The following DPP4 variants were observed in gnomAD, a reference collection of about 807,000 sequenced individuals.
The protein encoded by DPP4 is dipeptidyl peptidase 4.
A neutral mutation model predicts 122.4 loss-of-function variants in DPP4; 93 were observed. The ratio of observed to expected loss-of-function variants is 0.76; its 90% CI spans 0.64 to 0.90. The LOEUF (loss-of-function observed/expected upper bound fraction) is 0.90. Among genes scored for constraint, DPP4 ranks in the 40% least tolerant of loss-of-function variants. DPP4 has a pLI of 0.00. For missense variants in DPP4, 914 were observed against 907.3 expected (o/e 1.01, Z -0.09); for synonymous variants, 321 against 302.9 (o/e 1.06, Z -0.62).
At chr2:162,017,219 G>T in intron 16 of DPP4, 64 bp from the exon 17 acceptor site, 1 of 1,409,546 alleles carries the variant, frequency 7.1e-7, no homozygotes, top group South Asian at 1.3e-5. Context: ...TAGTATAGAT[G>T]ACTTTTCAAA....
intron 2 of DPP4, 177 bp downstream of exon 2, chr2:162,073,222 G>A (rs35128070): frequency 0.27 from 160,827 of 590,714 alleles, 24,728 homozygotes; most frequent in Non-Finnish European, 0.33. Flanking sequence ...TGAAGACCCC[G>A]CGAAGTGAAT....
intron 10 of DPP4, among the ~76,000 whole-genome samples, chr2:162,031,066 C>T (rs1475240745): frequency 3.3e-5 from 5 of 152,258 alleles, no homozygotes; most frequent in Non-Finnish European, 7.3e-5. Context: ...GCACTGAGCA[C>T]AGTCCCAGCC....
chr2:162,066,953 A>G (rs1450323779), intron 2 of DPP4, among the ~76,000 whole-genome samples: 2 of 51,622 alleles, frequency 3.9e-5, no homozygotes, highest in African/African-American at 8.8e-5. Context: ...CTCACCTCCA[A>G]CACTGGAGAT....
At chr2:162,023,287 C>T (rs1683204529) in intron 11 of DPP4, among the ~76,000 whole-genome samples, 1 of 152,174 alleles carries the variant, frequency 6.6e-6, no homozygotes, top group Non-Finnish European at 1.5e-5. Context: ...TTGCCAGAAT[C>T]TCCTTGTTGG....
At chr2:162,004,892 C>T (rs763126848) in intron 23 of DPP4, among the ~76,000 whole-genome samples, 8 of 152,134 alleles carry the variant, frequency 5.3e-5, no homozygotes, top group Admixed American at 3.3e-4. Context: ...GAATTGTGAA[C>T]AATCTTTGAA....
At chr2:162,032,192 C>T (rs991345311) in intron 10 of DPP4, 4 of 152,176 alleles carry the variant, frequency 2.6e-5, no homozygotes, top group Non-Finnish European at 4.4e-5. Flanking sequence ...CTTGTTCGTT[C>T]AAGCCAGAAA....
intron 20 of DPP4, among the ~76,000 whole-genome samples, chr2:162,010,527 T>G (rs541591396): frequency 4.5e-4 from 68 of 152,322 alleles, no homozygotes; most frequent in African/African-American, 1.4e-3. Context: ...ATAAACGCAC[T>G]ATTTCTCAAT....
intron 2 of DPP4, among the ~76,000 whole-genome samples, chr2:162,052,931 G>A (rs556603925): frequency 2.0e-5 from 3 of 152,306 alleles, no homozygotes; most frequent in Admixed American, 6.5e-5. Context: ...GCACTCGGCT[G>A]AATTGTGTCT....
intron 23 of DPP4, among the ~76,000 whole-genome samples, chr2:161,998,334 C>T (rs1208530492): frequency 6.6e-6 from 1 of 152,168 alleles, no homozygotes; most frequent in African/African-American, 2.4e-5. Context: ...CCATGTGAGT[C>T]CTCTTTGGTG....
At chr2:162,062,093 A>G (rs1353831402) in intron 2 of DPP4, among the ~76,000 whole-genome samples, 1 of 149,214 alleles carries the variant, frequency 6.7e-6, no homozygotes, top group East Asian at 2.0e-4. Flanking sequence ...ACATGGCAAA[A>G]CCCTGTCTCT....
chr2:162,048,086 A>C (rs1007510816), intron 2 of DPP4, among the ~76,000 whole-genome samples: 8 of 152,158 alleles, frequency 5.3e-5, no homozygotes, highest in Non-Finnish European at 1.0e-4. Context: ...TCCTTTTCAG[A>C]GGCTTTGGGG....
rs566932991 is a variant in DPP4, at chr2:162,022,612, G to A, written c.1068+143C>T. On this transcript the variant is annotated intron_variant, in intron 12 of 25. Coordinates refer to ENST00000360534, the MANE Select transcript of DPP4 (RefSeq NM_001935.4). ...TCTCTACAAAAAGATATCTTTATAG[G>A]GAGCATTTACATATTTTGAGAAATA... is the stretch of plus-strand genomic sequence containing the variant. The A allele has an allele frequency of 9.5e-6, 7 of 740,136 alleles. No individual in the cohort carries two copies. In the African/African-American group the frequency reaches 1.1e-4, roughly 11 times the overall value. The allele number at this position is 740,136 out of a possible 1,614,324, so 45.8% of individuals were successfully genotyped here. A position where few individuals can be genotyped will look rare whatever the true frequency, so the allele number is the denominator to read the frequency against.
At chr2:162,039,586 G>T (rs1004284803) in intron 5 of DPP4, among the ~76,000 whole-genome samples, 10 of 152,090 alleles carry the variant, frequency 6.6e-5, no homozygotes, top group Admixed American at 6.6e-4. Flanking sequence ...GTGAAGAAAT[G>T]TTTAACTTCA....
chr2:162,035,019 G>T, intron 9 of DPP4, 145 bp downstream of exon 9: 2 of 675,272 alleles, frequency 3.0e-6, no homozygotes, highest in Non-Finnish European at 4.5e-6. Flanking sequence ...CTTTAAAATT[G>T]CCAGATGCTG....
chr2:162,007,973 TC>T (rs1156506742), intron 22 of DPP4, among the ~76,000 whole-genome samples: 1 of 152,054 alleles, frequency 6.6e-6, no homozygotes, highest in African/African-American at 2.4e-5. Context: ...CACTTCTGAA[TC>T]CCCCCTCCTC....
At chr2:162,068,644 G>T (rs1685023161) in intron 2 of DPP4, among the ~76,000 whole-genome samples, 1 of 152,122 alleles carries the variant, frequency 6.6e-6, no homozygotes, top group Non-Finnish European at 1.5e-5. Flanking sequence ...TCCTCTCTTG[G>T]ATCCTTCATT....
intron 2 of DPP4, among the ~76,000 whole-genome samples, chr2:162,067,339 A>G (rs1260313611): frequency 6.6e-6 from 1 of 152,156 alleles, no homozygotes; most frequent in Non-Finnish European, 1.5e-5. Context: ...CCCCAGTTTT[A>G]AGAAGTCAGG....
chr2:162,019,242 C>G lies in DPP4; in HGVS notation c.1279G>C (p.Gly427Arg). The G allele has an allele frequency of 6.3e-7, 1 of 1,596,214 alleles. No homozygotes were observed. The highest frequency in any genetic ancestry group is 1.3e-5 in the African/African-American group (1 of 74,270). The change falls in exon 15 of 26, where the codon GGA becomes CGA. Residue 427 changes from glycine (G) to arginine (R), a missense_variant. By Grantham distance (125) the Gly-to-Arg change is moderately radical (BLOSUM62 -2). Transcript: ENST00000360534. ...TCTTACTTATAAAGATTCCTTCCTC[C>G]TGGCATTCCTTTATATTCATTACTA... is the stretch of plus-strand genomic sequence containing the variant. ...YISNEYKGMP[G>R]GRNLYKIQLS... is the part of the protein sequence containing the mutation.
chr2:162,031,320 G>C (rs1683544000), intron 10 of DPP4, among the ~76,000 whole-genome samples: 1 of 152,180 alleles, frequency 6.6e-6, no homozygotes, highest in Non-Finnish European at 1.5e-5. Context: ...GGAGGACAAG[G>C]ACTAGACCTG....
Sources: gnomAD v4.1 joint callset for allele counts (sites outside exome capture counted in the v4.1 genomes callset) on GRCh38, gnomAD v4.1.1 for gene constraint, MANE v1.5 for transcripts, NCBI Gene and HGNC (gene_info 2026-07-23, HGNC 2026-07-21) for gene names.